The following COPG2 variants were observed in gnomAD, a reference collection of about 807,000 sequenced individuals.
COPG2 encodes the protein coat protein complex I subunit gamma 2.
Under a neutral mutation model 46.3 loss-of-function variants are expected in COPG2, and 37 were observed. That is an observed-to-expected ratio of 0.80 (90% CI 0.61 to 1.05). The LOEUF is 1.05. COPG2 is among the 50% of genes least tolerant of loss of function. COPG2 has a pLI of 0.00. For synonymous variants in COPG2, 159 were observed against 129.7 expected (o/e 1.23, Z -1.53); for missense variants, 427 against 387.8 (o/e 1.10, Z -0.85).
At chr7:130,551,441 G>T in intron 15 of COPG2, 97 bp from the exon 16 acceptor site, 1 of 394,476 alleles carries the variant, frequency 2.5e-6, no homozygotes, top group South Asian at 1.4e-4. Context: ...GTCGTCATCT[G>T]ATACTACCTT....
chr7:130,552,476 G>C (rs1793547536), intron 14 of COPG2, 46 bp from the exon 15 acceptor site: 2 of 398,004 alleles, frequency 5.0e-6, no homozygotes, highest in Non-Finnish European at 8.9e-6. Flanking sequence ...TGGTTTCTCA[G>C]AGTTAACCAA....
intron 9 of COPG2, chr7:130,605,742 CT>C (rs1554451132): frequency 1.9e-6 from 1 of 519,818 alleles, no homozygotes; most frequent in Non-Finnish European, 3.8e-6. Flanking sequence ...TGGATTCTTC[CT>C]CAAAGCCTCC....
intron 9 of COPG2, among the ~76,000 whole-genome samples, chr7:130,578,136 C>G (rs1373733959): frequency 6.6e-6 from 1 of 151,158 alleles, no homozygotes; most frequent in African/African-American, 2.4e-5. Context: ...TCTCCCAGCA[C>G]GCAGCTGGAG....
intron 9 of COPG2, chr7:130,607,366 T>C: frequency 2.5e-6 from 1 of 393,882 alleles, no homozygotes; most frequent in Non-Finnish European, 5.0e-6. Context: ...GGTTAGTTTC[T>C]ATTGATTGCT....
chr7:130,645,953 A>T lies in COPG2; in HGVS notation c.323+6916T>A, dbSNP rs181579910. Among the ~76,000 whole-genome samples the T allele has an allele frequency of 1.8e-4, 28 of 151,694 alleles. No homozygotes were observed. The East Asian group carries it at 5.0e-3, about 27-fold the overall frequency. ...GGTCCACTTTTGCTTTGACTGGACC[A>T]CTTCCACTTCCACCTCTTGGTAGCT... is the stretch of plus-strand genomic sequence containing the variant. On this transcript the variant is annotated intron_variant, in intron 5 of 23. Coordinates refer to ENST00000425248, the MANE Select transcript of COPG2 (RefSeq NM_012133.6).
chr7:130,606,204 C>A (rs1794724669), intron 9 of COPG2, among the ~76,000 whole-genome samples: 1 of 146,952 alleles, frequency 6.8e-6, no homozygotes, highest in Admixed American at 6.9e-5. Flanking sequence ...CCAGCCTGGG[C>A]AGCAGAGCAA....
intron 5 of COPG2, among the ~76,000 whole-genome samples, chr7:130,646,948 TATATATATGC>T (rs1795609065): frequency 2.4e-4 from 34 of 139,032 alleles, no homozygotes; most frequent in East Asian, 8.0e-4. Flanking sequence ...TATACGTATA[TATATATATGC>T]ATATATATAT....
chr7:130,652,850 A>T lies in COPG2; in HGVS notation c.323+19T>A. On this transcript the variant is annotated intron_variant, in intron 5 of 23. Transcript: ENST00000425248. ...CAAATATATAAGTATCTCATCCTAG[A>T]TTTTGACCATTTACATACCTGCTTG... is the stretch of plus-strand genomic sequence containing the variant. The T allele has an allele frequency of 1.3e-6, 2 of 1,522,572 alleles. No individual in the cohort carries two copies. The highest frequency in any genetic ancestry group is 9.1e-7 in the Non-Finnish European group (1 of 1,104,548). The allele number at this position is 1,522,572 out of a possible 1,614,324, so 94.3% of individuals were successfully genotyped here.
At chr7:130,648,874 C>A (rs1795674174) in intron 5 of COPG2, among the ~76,000 whole-genome samples, 1 of 152,136 alleles carries the variant, frequency 6.6e-6, no homozygotes, top group Non-Finnish European at 1.5e-5. Flanking sequence ...ATTTGGGGCT[C>A]TGATAGCCTT....
At chr7:130,535,148 A>C (rs1799866488) in intron 20 of COPG2, among the ~76,000 whole-genome samples, 1 of 152,214 alleles carries the variant, frequency 6.6e-6, no homozygotes, top group Non-Finnish European at 1.5e-5. Flanking sequence ...GAGATGACTG[A>C]GTCAGATGAA....
chr7:130,560,897 A>G, intron 12 of COPG2, 136 bp downstream of exon 12: 1 of 395,970 alleles, frequency 2.5e-6, no homozygotes, highest in East Asian at 3.6e-5. Context: ...GGGAACAGTA[A>G]TAACTATGAA....
At chr7:130,609,534 T>A (rs1554451722) in intron 9 of COPG2, among the ~76,000 whole-genome samples, 2 of 152,370 alleles carry the variant, frequency 1.3e-5, no homozygotes. Flanking sequence ...CTCGGGTATG[T>A]CTTTATCAGC....
chr7:130,595,587 C>G (rs1192113703), intron 9 of COPG2, among the ~76,000 whole-genome samples: 1 of 152,032 alleles, frequency 6.6e-6, no homozygotes, highest in Non-Finnish European at 1.5e-5. Context: ...AAGCTATAAG[C>G]AAAAACAAGG....
intron 9 of COPG2, chr7:130,604,722 AG>A (rs1312157527): frequency 5.8e-6 from 3 of 517,606 alleles, no homozygotes; most frequent in African/African-American, 1.9e-5. Context: ...AAATAAAAAT[AG>A]CAGGCATTTT....
In COPG2 at chr7:130,625,671, C is replaced by T. The variant is rs1392993992; in HGVS notation, c.324-8606G>A. On this transcript the variant is annotated intron_variant, in intron 5 of 23. Coordinates refer to ENST00000425248, the MANE Select transcript of COPG2 (RefSeq NM_012133.6). Reference sequence around the variant, plus strand: ...TTATTTTGCATATTTATGCTTTCTCCGTTTTTTTTTTTACCAACTTAGCTT... The same window carrying T: ...TTATTTTGCATATTTATGCTTTCTCTGTTTTTTTTTTTACCAACTTAGCTT... 1.3e-4 allele frequency among the ~76,000 whole-genome samples: 20 copies of T among 148,258 alleles called. No individual in the cohort carries two copies. In the East Asian group the frequency reaches 2.0e-3, roughly 14 times the overall value.
intron 9 of COPG2, among the ~76,000 whole-genome samples, chr7:130,593,963 T>C (rs151268314): frequency 2.0e-5 from 3 of 152,094 alleles, no homozygotes; most frequent in Non-Finnish European, 4.4e-5. Context: ...CGGAGCTCTG[T>C]TCATCAAAAG....
At chr7:130,608,762 T>C (rs1308220603) in intron 9 of COPG2, among the ~76,000 whole-genome samples, 3 of 152,206 alleles carry the variant, frequency 2.0e-5, no homozygotes, top group African/African-American at 7.2e-5. Context: ...CTTTCTCTTT[T>C]GGTTTTCAAC....
chr7:130,615,696 T>G (rs1488886843), intron 6 of COPG2, among the ~76,000 whole-genome samples: 2 of 152,206 alleles, frequency 1.3e-5, no homozygotes, highest in Admixed American at 6.5e-5. Flanking sequence ...TTGTGCCCTG[T>G]AGGAGTAGTG....
chr7:130,533,270 A>T (rs1409761131), intron 20 of COPG2, among the ~76,000 whole-genome samples: 1 of 147,582 alleles, frequency 6.8e-6, no homozygotes, highest in African/African-American at 2.5e-5. Flanking sequence ...ACAAGGAGAA[A>T]GAGACAGCCT....
Sources: gnomAD v4.1 joint callset for allele counts (sites outside exome capture counted in the v4.1 genomes callset) on GRCh38, gnomAD v4.1.1 for gene constraint, MANE v1.5 for transcripts, NCBI Gene and HGNC (gene_info 2026-07-23, HGNC 2026-07-21) for gene names.